CUX2: variants seen among roughly 807,000 people sequenced by gnomAD.
The protein encoded by CUX2 is homeobox protein cut-like 2.
A neutral mutation model predicts 144.8 loss-of-function variants in CUX2; 40 were observed. The ratio of observed to expected loss-of-function variants is 0.28; its 90% CI spans 0.21 to 0.36. The LOEUF (loss-of-function observed/expected upper bound fraction) is 0.36, where lower values mean the gene tolerates loss of function less well. CUX2 is among the 10% of genes least tolerant of loss of function. CUX2 has a pLI of 1.00. For synonymous variants in CUX2, 827 were observed against 875.6 expected (o/e 0.94, Z 0.98); for missense variants, 1,615 against 1,994.0 (o/e 0.81, Z 3.62).
intron 1 of CUX2, among the ~76,000 whole-genome samples, chr12:111,096,270 G>C (rs1317687103): frequency 6.6e-6 from 1 of 152,198 alleles, no homozygotes; most frequent in East Asian, 1.9e-4. Context: ...TCAGACCTTG[G>C]AGGTCTCAAG....
chr12:111,262,784 T>TA (rs1162521339), intron 3 of CUX2, among the ~76,000 whole-genome samples: 1 of 152,242 alleles, frequency 6.6e-6, no homozygotes, highest in Non-Finnish European at 1.5e-5. Flanking sequence ...TTTGATATCT[T>TA]ACGAGAGCTT....
chr12:111,158,108 A>G (rs1284882800), intron 1 of CUX2, among the ~76,000 whole-genome samples: 1 of 152,210 alleles, frequency 6.6e-6, no homozygotes, highest in Non-Finnish European at 1.5e-5. Context: ...CAGGAGGCCA[A>G]CGATGGAACG....
At chr12:111,175,814 A>G (rs1383436766) in intron 1 of CUX2, among the ~76,000 whole-genome samples, 2 of 152,074 alleles carry the variant, frequency 1.3e-5, no homozygotes, top group Non-Finnish European at 2.9e-5. Context: ...TGTTTAAAAA[A>G]AAAAAGTAAG....
At chr12:111,096,492 A>G (rs1343350681) in intron 1 of CUX2, among the ~76,000 whole-genome samples, 1 of 152,140 alleles carries the variant, frequency 6.6e-6, no homozygotes, top group Non-Finnish European at 1.5e-5. Flanking sequence ...CCCATTTTCC[A>G]GAAGAGGAAA....
intron 1 of CUX2, among the ~76,000 whole-genome samples, chr12:111,192,630 C>T (rs1338405082): frequency 2.6e-5 from 4 of 152,194 alleles, no homozygotes; most frequent in South Asian, 4.1e-4. Flanking sequence ...AGTTCATCAT[C>T]GCAGCCCACC....
Position 111,255,415 on chromosome 12 carries a change from G to A in CUX2, c.223-8346G>A, listed in dbSNP as rs1700407138. On this transcript the variant is annotated intron_variant, in intron 3 of 21. Coordinates refer to ENST00000261726, the MANE Select transcript of CUX2 (RefSeq NM_015267.4). The surrounding 1 kb of genome is among the most constrained non-coding windows in gnomAD (Gnocchi z 4.1). ...GCACGTTAGCACTCGCCAGGGAACG[G>A]GGGCCCCAGCAGACACACCTGGAGG... Among the ~76,000 whole-genome samples the A allele has an allele frequency of 6.6e-6, 1 of 152,212 alleles. No individual in the cohort carries two copies. Among genetic ancestry groups the A allele is most frequent in the African/African-American group, 2.4e-5 (1 of 41,462 alleles).
chr12:111,060,239 T>C (rs542615559), intron 1 of CUX2, among the ~76,000 whole-genome samples: 1 of 152,314 alleles, frequency 6.6e-6, no homozygotes, highest in African/African-American at 2.4e-5. Context: ...TCATCTCTTA[T>C]AAACTTCCTC....
rs959125664 is a variant in CUX2 at position 111,037,340 on chromosome 12, G to T, written c.63+3100G>T. The stretch of plus-strand genomic sequence containing the variant: ...CGTCGCTGACGCCATACCGATCCTG[G>T]CAAGAAAGGTGACCTTGTACCAGCC... On this transcript the variant is annotated intron_variant, in intron 1 of 21. Transcript: ENST00000261726. This position sits in a 1 kb window ranked among gnomAD's most constrained non-coding sequence, Gnocchi z 5.4. Among the ~76,000 whole-genome samples, 3 of 152,254 alleles carry T rather than the reference G, an allele frequency of 2.0e-5. No individual in the cohort carries two copies. Among genetic ancestry groups the T allele is most frequent in the Non-Finnish European group, 4.4e-5 (3 of 68,044 alleles).
At chr12:111,214,103 C>A in intron 1 of CUX2, 97 bp from the exon 2 acceptor site, 1 of 573,548 alleles carries the variant, frequency 1.7e-6, no homozygotes, top group Non-Finnish European at 2.9e-6. Flanking sequence ...AAAACTTGTT[C>A]AGAATGCTGT....
chr12:111,157,087 A>G (rs1044997105), intron 1 of CUX2, among the ~76,000 whole-genome samples: 1 of 150,808 alleles, frequency 6.6e-6, no homozygotes, highest in Admixed American at 6.6e-5. Flanking sequence ...AGGGGGCTAC[A>G]CTGATTTTTT....
chr12:111,225,812 G>C (rs1200134182), intron 3 of CUX2, among the ~76,000 whole-genome samples: 1 of 152,214 alleles, frequency 6.6e-6, no homozygotes, highest in Non-Finnish European at 1.5e-5. Flanking sequence ...CATACAAAGA[G>C]CTGTGATTCG....
rs563201186 is a variant in CUX2 at position 111,116,174 on chromosome 12, G to T, written c.63+81934G>T. 2.6e-5 allele frequency among the ~76,000 whole-genome samples: 4 copies of T among 152,276 alleles called. No homozygotes were observed. In the East Asian group the frequency reaches 7.7e-4, roughly 29 times the overall value. On this transcript the variant is annotated intron_variant, in intron 1 of 21. Coordinates refer to ENST00000261726, the MANE Select transcript of CUX2 (RefSeq NM_015267.4). The stretch of plus-strand genomic sequence containing the variant: ...AAAAATGAAATTATACATCTACAGA[G>T]AATTTTTAGGTAATGATTATAATAC...
chr12:111,078,815 G>A (rs73413538), intron 1 of CUX2, among the ~76,000 whole-genome samples: 5,644 of 152,252 alleles, frequency 0.037, 345 homozygotes, highest in African/African-American at 0.13. Flanking sequence ...AGACCCCTGA[G>A]GGGTCTACTG....
chr12:111,299,614 G>C (rs1301856159), intron 9 of CUX2, among the ~76,000 whole-genome samples: 1 of 152,202 alleles, frequency 6.6e-6, no homozygotes, highest in African/African-American at 2.4e-5. Flanking sequence ...AACCGCAGTG[G>C]CTTCCCTGAG....
intron 1 of CUX2, among the ~76,000 whole-genome samples, chr12:111,085,673 G>A (rs1026461271): frequency 3.9e-5 from 6 of 152,146 alleles, no homozygotes; most frequent in African/African-American, 7.2e-5. Flanking sequence ...GAAGTGTTCC[G>A]GGACCATTTT....
chr12:111,154,055 C>T (rs1877228007), intron 1 of CUX2, among the ~76,000 whole-genome samples: 1 of 152,062 alleles, frequency 6.6e-6, no homozygotes, highest in Non-Finnish European at 1.5e-5. Context: ...AGCTTTTTTA[C>T]CTCGTTAAAA....
intron 21 of CUX2, among the ~76,000 whole-genome samples, chr12:111,342,476 C>CAA (rs113534058): frequency 1.5e-5 from 2 of 134,420 alleles, no homozygotes; most frequent in Non-Finnish European, 3.2e-5. Flanking sequence ...GACTCCATCT[C>CAA]AAAAAAAAAA....
In CUX2 at chr12:111,310,554, T is replaced by G. The variant is rs1425887598; in HGVS notation, c.1772T>G (p.Ile591Ser). The G allele has an allele frequency of 1.2e-6, 2 of 1,613,808 alleles. No individual in the cohort carries two copies. The change falls in exon 15 of 22, where the codon ATC becomes AGC. Residue 591 changes from isoleucine (I) to serine (S), a missense_variant. By Grantham distance (142) the Ile-to-Ser change is moderately radical. Around this residue, in one of 12 missense-constraint regions of CUX2, gnomAD observed 71 missense variants for 142.3 expected, o/e 0.50. Transcript: ENST00000261726. This position sits in a 1 kb window ranked among gnomAD's most constrained non-coding sequence, Gnocchi z 7.9. ...CTGTCGCAGGGCTCGGTCAGCGAGA[T>G]CCTAGCCCGGCCCAAGCCCTGGCGC... ...LGLSQGSVSE[I>S]LARPKPWRKL...
intron 1 of CUX2, among the ~76,000 whole-genome samples, chr12:111,204,583 G>A (rs575613243): frequency 8.5e-5 from 13 of 152,264 alleles, no homozygotes; most frequent in South Asian, 2.1e-4. Context: ...TTATAGGTTC[G>A]GGTCCCCATG....
Sources: allele counts gnomAD v4.1 joint callset (sites outside exome capture counted in the v4.1 genomes callset), GRCh38; gene constraint gnomAD v4.1.1; regional missense constraint gnomAD v4.1.1; non-coding constraint Gnocchi (gnomAD v3.1); transcripts MANE v1.5; gene names NCBI Gene and HGNC (gene_info 2026-07-23, HGNC 2026-07-21).